Variants in OTOF observed in about 807,000 individuals in gnomAD.
OTOF encodes the protein fer-1-like family member 2.
A neutral mutation model predicts 236.8 loss-of-function variants in OTOF; 218 were observed. That is an observed-to-expected ratio of 0.92 (90% CI 0.82 to 1.03). The LOEUF (loss-of-function observed/expected upper bound fraction) is 1.03, where lower values mean the gene tolerates loss of function less well. Ranked by LOEUF, OTOF falls within the 50% of genes least tolerant of loss-of-function variation. The pLI is 0.00. For missense variants in OTOF, 2,590 were observed against 2,694.4 expected, an observed-to-expected ratio of 0.96 and a Z score of 0.86; for synonymous variants, 1,041 against 1,072.5, an observed-to-expected ratio of 0.97 and a Z score of 0.57.
chr2:26,520,853 A>G (rs749153824), intron 3 of OTOF, among the ~76,000 whole-genome samples: 3 of 152,260 alleles, frequency 2.0e-5, no homozygotes, highest in Non-Finnish European at 4.4e-5. Context: ...GTTCTAAATC[A>G]GTGGTTCTCA....
chr2:26,462,346 G>A lies in OTOF; in HGVS notation c.5193-165C>T, dbSNP rs1021406695. On this transcript the variant is annotated intron_variant, in intron 41 of 46. Coordinates refer to ENST00000272371, the MANE Select transcript of OTOF (RefSeq NM_194248.3). This position sits in a 1 kb window ranked among gnomAD's most constrained non-coding sequence, Gnocchi z 4.7. ...AGTGGTTTGGGGTTGGGGGAGCAGA[G>A]GCATGAGTGAGAAGGCCCACCAGGC... Among the ~76,000 whole-genome samples, 6 of 152,092 alleles carry A rather than the reference G, an allele frequency of 3.9e-5. No individual in the cohort carries two copies. The highest frequency in any genetic ancestry group is 2.1e-4 in the South Asian group (1 of 4,816).
At chr2:26,506,414 C>T (rs981318620) in intron 5 of OTOF, among the ~76,000 whole-genome samples, 1 of 152,244 alleles carries the variant, frequency 6.6e-6, no homozygotes, top group Non-Finnish European at 1.5e-5. Flanking sequence ...TCCCCTGCCC[C>T]TTCCCCACTT....
Position 26,532,007 on chromosome 2 carries a change from C to T in OTOF, c.139-4087G>A, listed in dbSNP as rs563099329. Among the ~76,000 whole-genome samples the T allele has an allele frequency of 1.0e-3, 147 of 146,054 alleles. 1 individual carries two copies. The highest frequency in any genetic ancestry group is 3.5e-3 in the African/African-American group (137 of 38,870). ...ACTTGGGAGGCTGAGGCAGGAGAAT[C>T]GCTTGAACCTGGGAGGCAGAGGTTG... On this transcript the variant is annotated intron_variant, in intron 2 of 46. Transcript: ENST00000272371.
In OTOF at chr2:26,527,902, C is replaced by T. The variant is rs144915302; in HGVS notation, c.157G>A (p.Ala53Thr). 631 of 1,613,956 alleles carry T rather than the reference C, an allele frequency of 3.9e-4. 4 individuals are homozygous for T. The East Asian group carries it at 0.013, about 33-fold the overall frequency. ...DFDETFRWPV[A>T]SSIDRNEMLE... ...ATCTCATTTCTGTCGATGCTGCTGGCCACCGGCCACCGAAATGTCTGGGGA... is the reference window on the plus strand; with the variant it reads ...ATCTCATTTCTGTCGATGCTGCTGGTCACCGGCCACCGAAATGTCTGGGGA... The change falls in exon 3 of 47, where the codon GCC becomes ACC. Residue 53 changes from alanine (A) to threonine (T), a missense_variant. This residue lies in a region of OTOF where 1,379 missense variants were observed against 1,341.6 expected (regional missense o/e 1.03). Transcript: ENST00000272371.
In OTOF at chr2:26,457,207, T is replaced by G. The variant is rs563864148; in HGVS notation, c.*1031A>C. 6.6e-6 allele frequency: 1 copy of G among 152,496 alleles called. No homozygotes were observed. The highest frequency in any genetic ancestry group is 1.5e-5 in the Non-Finnish European group (1 of 68,238). 9.4% of individuals were successfully genotyped at this position (152,496 alleles called of 1,614,324 possible). Reference sequence around the variant, plus strand: ...GACCAGTGCAGACCTGTCAGCTCAGTGCTTGACTTCTTTTATTTAGAGAAA... The same window carrying G: ...GACCAGTGCAGACCTGTCAGCTCAGGGCTTGACTTCTTTTATTTAGAGAAA... On this transcript the variant is annotated 3_prime_UTR_variant, in exon 47 of 47. Coordinates refer to ENST00000272371, the MANE Select transcript of OTOF (RefSeq NM_194248.3). This position sits in a 1 kb window ranked among gnomAD's most constrained non-coding sequence, Gnocchi z 4.4.
intron 4 of OTOF, among the ~76,000 whole-genome samples, chr2:26,517,710 C>A (rs76636112): frequency 0.011 from 1,659 of 152,218 alleles, 28 homozygotes; most frequent in African/African-American, 0.038. Context: ...CAACTGTGGC[C>A]GAATCCATTC....
intron 8 of OTOF, among the ~76,000 whole-genome samples, chr2:26,497,719 G>A (rs900339272): frequency 2.0e-5 from 3 of 152,188 alleles, no homozygotes; most frequent in Non-Finnish European, 4.4e-5. Flanking sequence ...ATTTCCGTTT[G>A]GAACGTGAAG....
intron 12 of OTOF, among the ~76,000 whole-genome samples, chr2:26,483,946 G>T (rs1356421470): frequency 6.6e-6 from 1 of 152,168 alleles, no homozygotes; most frequent in East Asian, 1.9e-4. Context: ...TTGTACATTG[G>T]GATATGATCT....
chr2:26,481,881 A>G (rs1350623986), intron 14 of OTOF, among the ~76,000 whole-genome samples: 1 of 152,096 alleles, frequency 6.6e-6, no homozygotes, highest in African/African-American at 2.4e-5. Context: ...TGTTTTGACC[A>G]TTTGGTAGCA....
chr2:26,494,983 T>C lies in OTOF; in HGVS notation c.856A>G (p.Thr286Ala). The change falls in exon 9 of 47, where the codon ACA becomes GCA. Residue 286 changes from threonine to alanine, a missense_variant. Physicochemically the swap from Thr to Ala is moderately conservative, Grantham distance 58. Transcript: ENST00000272371. ...CAGTTAGTGGACTCCTTCATGGATG[T>C]GTACTTCTTGTCGTCACCCACCTCC... ...CVEVGDDKKYTSMKESTNCPY... is the reference protein window; with the variant it reads ...CVEVGDDKKYASMKESTNCPY... 1 of 1,614,130 alleles carries C rather than the reference T, an allele frequency of 6.2e-7. No homozygotes were observed. The highest frequency in any genetic ancestry group is 8.5e-7 in the Non-Finnish European group (1 of 1,179,994).
intron 1 of OTOF, among the ~76,000 whole-genome samples, chr2:26,556,266 G>A (rs1667582712): frequency 6.6e-6 from 1 of 152,186 alleles, no homozygotes; most frequent in African/African-American, 2.4e-5. Flanking sequence ...GGCCCCCAGT[G>A]GTTGCATGTG....
At position 26,473,594 on chromosome 2, in the gene OTOF, G is replaced by T; in HGVS notation, c.3409-27C>A. ...TGGGAGAGGTTGGAGGGTGGGTGCAGAGAAGAGAGCCCCTTAGTCAAGGGA... is the reference window on the plus strand; with the variant it reads ...TGGGAGAGGTTGGAGGGTGGGTGCATAGAAGAGAGCCCCTTAGTCAAGGGA... On this transcript the variant is annotated intron_variant, in intron 27 of 46. Transcript: ENST00000272371. The surrounding 1 kb of genome is among the most constrained non-coding windows in gnomAD (Gnocchi z 7.2). The T allele has an allele frequency of 1.3e-6, 2 of 1,582,980 alleles. No individual in the cohort carries two copies. The highest frequency in any genetic ancestry group is 2.2e-5 in the East Asian group (1 of 44,698).
In OTOF at chr2:26,477,253, G is replaced by A. The variant is rs1319857867; in HGVS notation, c.2442C>T (p.Ala814=). ...CCCGCACCGTGTGCCGCTTCACCTG[G>A]GCCCGCAGCATCCTGGCCTGCTGCC... ...NMGQQARMLR[A]QVKRHTVRDK... The change falls in exon 21 of 47, where the codon GCC becomes GCT. Residue 814 remains alanine (A), a synonymous_variant. Transcript: ENST00000272371. The surrounding 1 kb of genome is among the most constrained non-coding windows in gnomAD (Gnocchi z 4.7). The A allele has an allele frequency of 1.2e-6, 2 of 1,609,436 alleles. No homozygotes were observed. Among genetic ancestry groups the A allele is most frequent in the South Asian group, 2.2e-5 (2 of 90,272 alleles).
chr2:26,488,710 T>C (rs2148065845), intron 11 of OTOF, among the ~76,000 whole-genome samples: 1 of 152,340 alleles, frequency 6.6e-6, no homozygotes, highest in East Asian at 1.9e-4. Flanking sequence ...GCCAGCTGTG[T>C]GGCTGGGGCA....
Position 26,461,630 on chromosome 2 carries a change from G to C in OTOF, c.5533+66C>G. 3.1e-6 allele frequency: 5 copies of C among 1,602,946 alleles called. No individual in the cohort carries two copies. The highest frequency in any genetic ancestry group is 1.1e-5 in the South Asian group (1 of 90,820). On this transcript the variant is annotated intron_variant, in intron 43 of 46. Transcript: ENST00000272371. This position sits in a 1 kb window ranked among gnomAD's most constrained non-coding sequence, Gnocchi z 6.2. ...CCAAGGCAGGGCTCTCCCTGTCCCC[G>C]CCAACCCGGCCCCTGCCTCTTCTCA...
At position 26,477,629 on chromosome 2, in the gene OTOF, TGCC is replaced by T; in HGVS notation, c.2315+17_2315+19del. 6.2e-7 allele frequency: 1 copy of T among 1,611,726 alleles called. No homozygotes were observed. The highest frequency in any genetic ancestry group is 1.3e-5 in the African/African-American group (1 of 75,020). Reference sequence around the variant, plus strand: ...AGTTCCGCCTCATCCTCCCCCCACCTGCCGCCCCTCCCTTCTCACCAGCAGCCA... The same window carrying T: ...AGTTCCGCCTCATCCTCCCCCCACCTGCCCCTCCCTTCTCACCAGCAGCCA... On this transcript the variant is annotated intron_variant, in intron 19 of 46. Coordinates refer to ENST00000272371, the MANE Select transcript of OTOF (RefSeq NM_194248.3). The surrounding 1 kb of genome is among the most constrained non-coding windows in gnomAD (Gnocchi z 4.7).
rs752384678 is a variant in OTOF, at chr2:26,461,685, C to T, written c.5533+11G>A. On this transcript the variant is annotated intron_variant, in intron 43 of 46. Coordinates refer to ENST00000272371, the MANE Select transcript of OTOF (RefSeq NM_194248.3). This position sits in a 1 kb window ranked among gnomAD's most constrained non-coding sequence, Gnocchi z 6.2. ...TGGATCCTGAACCCCCATCCCTGCC[C>T]TGCTCTGCACCCAGGAAGTCGTCAG... The T allele has an allele frequency of 6.2e-7, 1 of 1,613,690 alleles. No homozygotes were observed. The highest frequency in any genetic ancestry group is 1.1e-5 in the South Asian group (1 of 91,076).
chr2:26,472,728 G>A lies in OTOF; in HGVS notation c.3734-79C>T, dbSNP rs538125414. On this transcript the variant is annotated intron_variant, in intron 29 of 46. Transcript: ENST00000272371. ...TGAGATTGGCGGGGCAGGAAGGTGC[G>A]GAGAACTAAAGCTGATTCTGGAACT... The A allele has an allele frequency of 2.2e-4, 320 of 1,473,254 alleles. 1 individual carries two copies. Among genetic ancestry groups the A allele is most frequent in the Non-Finnish European group, 2.7e-4 (287 of 1,071,846 alleles). 91.3% of individuals were successfully genotyped at this position (1,473,254 alleles called of 1,614,324 possible).
chr2:26,510,600 C>T (rs1666360057), intron 5 of OTOF: 1 of 686,580 alleles, frequency 1.5e-6, no homozygotes, highest in Non-Finnish European at 2.2e-6. Flanking sequence ...CAGCCCACTC[C>T]TGAGCCCTCT....
Sources: gnomAD v4.1 joint callset for allele counts (sites outside exome capture counted in the v4.1 genomes callset) on GRCh38, gnomAD v4.1.1 for gene constraint, gnomAD v4.1.1 regional missense constraint, Gnocchi (gnomAD v3.1) non-coding constraint, MANE v1.5 for transcripts, NCBI Gene and HGNC (gene_info 2026-07-23, HGNC 2026-07-21) for gene names.